The following NETO1 variants were observed in gnomAD, a reference collection of about 807,000 sequenced individuals.
NETO1 encodes neuropilin and tolloid-like protein 1.
Under a neutral mutation model 61.3 loss-of-function variants are expected in NETO1, and 26 were observed. That is an observed-to-expected ratio of 0.42 (90% CI 0.31 to 0.59). NETO1 has a LOEUF of 0.59. Among genes scored for constraint, NETO1 ranks in the 20% least tolerant of loss-of-function variants. The pLI, the probability that NETO1 is intolerant of heterozygous loss-of-function variation, is 0.12. For synonymous variants in NETO1, 225 were observed against 225.8 expected (o/e 1.00, Z 0.03); for missense variants, 531 against 662.8 (o/e 0.80, Z 2.18).
chr18:72,742,568 AAC>A (rs2070360308), downstream of NETO1: 1 of 152,210 alleles, frequency 6.6e-6, no homozygotes, highest in Admixed American at 6.5e-5. Context: ...CAGATGAGGA[AAC>A]ACAAAACTAC....
intron 4 of NETO1, among the ~76,000 whole-genome samples, chr18:72,847,835 T>C (rs948430051): frequency 2.0e-5 from 3 of 152,166 alleles, no homozygotes; most frequent in Non-Finnish European, 4.4e-5. Context: ...TTACATTCTG[T>C]ATCACTCCTC....
At position 72,750,205 on chromosome 18, in the gene NETO1, G is replaced by A. The variant is rs776718982; in HGVS notation, c.1398C>T (p.Leu466=). 2 of 1,614,116 alleles carry A rather than the reference G, an allele frequency of 1.2e-6. No homozygotes were observed. Among genetic ancestry groups the A allele is most frequent in the Admixed American group, 1.7e-5 (1 of 60,002 alleles). ...TEMPTQPGKP[L]IPPMNRRNIL... ...TATTTCTTCTGTTCATGGGTGGGAT[G>A]AGGGGTTTTCCTGGCTGTGTGGGCA... The change falls in exon 9 of 11, where the codon CTC becomes CTT. Residue 466 remains leucine, a synonymous_variant. Transcript: ENST00000327305.
chr18:72,818,147 G>T (rs553963504), intron 4 of NETO1, among the ~76,000 whole-genome samples: 24 of 152,142 alleles, frequency 1.6e-4, no homozygotes, highest in African/African-American at 5.5e-4. Context: ...CATACAATCA[G>T]TAAAAACAAA....
chr18:72,865,686 T>C, intron 1 of NETO1: 2 of 1,556,650 alleles, frequency 1.3e-6, no homozygotes, highest in Non-Finnish European at 8.7e-7. Flanking sequence ...CCTGACATAC[T>C]GCAGTGTGGC....
At chr18:72,866,288 A>T (rs2074730031) in intron 1 of NETO1, among the ~76,000 whole-genome samples, 1 of 152,208 alleles carries the variant, frequency 6.6e-6, no homozygotes, top group African/African-American at 2.4e-5. Flanking sequence ...ATACTTAAAC[A>T]TCACTCTAAG....
intron 4 of NETO1, among the ~76,000 whole-genome samples, chr18:72,832,172 T>C (rs1226484385): frequency 1.3e-5 from 2 of 152,174 alleles, no homozygotes; most frequent in African/African-American, 4.8e-5. Flanking sequence ...TTGCTAATTC[T>C]CCAATTTCCT....
At chr18:72,758,038 AATT>A (rs539441179) in intron 7 of NETO1, among the ~76,000 whole-genome samples, 101 of 140,554 alleles carry the variant, frequency 7.2e-4, no homozygotes, top group Middle Eastern at 3.5e-3. Flanking sequence ...AAATTATTAT[AATT>A]ATTAAATAGG....
rs994339223 is a variant in NETO1, at chr18:72,834,875, T to C, written c.469+23951A>G. 3.3e-6 allele frequency: 3 copies of C among 897,510 alleles called. No individual in the cohort carries two copies. The African/African-American group carries it at 5.4e-5, about 16-fold the overall frequency. 55.6% of individuals were successfully genotyped at this position (897,510 alleles called of 1,614,324 possible). A position where few individuals can be genotyped will look rare whatever the true frequency, so the allele number is the denominator to read the frequency against. ...TAATAAAAAGATTGTAATACAAGAA[T>C]AAATTATCGAAAAAGATTATATAAT... On this transcript the variant is annotated intron_variant, in intron 4 of 10. Transcript: ENST00000327305.
At chr18:72,775,206 C>T (rs1161582378) in intron 7 of NETO1, among the ~76,000 whole-genome samples, 2 of 152,106 alleles carry the variant, frequency 1.3e-5, no homozygotes, top group Admixed American at 6.6e-5. Context: ...AAATACTTAC[C>T]CTTTTCAGTG....
At chr18:72,799,769 T>A (rs747387762) in intron 4 of NETO1, among the ~76,000 whole-genome samples, 11 of 152,222 alleles carry the variant, frequency 7.2e-5, no homozygotes, top group South Asian at 2.1e-4. Context: ...GCTTTCCCAA[T>A]GTAGATCACT....
intron 4 of NETO1, among the ~76,000 whole-genome samples, chr18:72,805,780 T>A (rs961385421): frequency 6.6e-6 from 1 of 152,178 alleles, no homozygotes; most frequent in Non-Finnish European, 1.5e-5. Flanking sequence ...TTCTTCCTTC[T>A]CTCTTGATTT....
chr18:72,778,689 T>G (rs1290557535), intron 7 of NETO1, among the ~76,000 whole-genome samples: 1 of 152,184 alleles, frequency 6.6e-6, no homozygotes, highest in East Asian at 1.9e-4. Flanking sequence ...CTATTTATAT[T>G]TCTATAAGCA....
At chr18:72,773,123 C>G (rs2071431631) in intron 7 of NETO1, among the ~76,000 whole-genome samples, 1 of 151,796 alleles carries the variant, frequency 6.6e-6, no homozygotes, top group South Asian at 2.1e-4. Flanking sequence ...CAGGGATTCC[C>G]CCCTCTCCCA....
chr18:72,841,350 G>A (rs765846182), intron 4 of NETO1, among the ~76,000 whole-genome samples: 2 of 151,964 alleles, frequency 1.3e-5, no homozygotes, highest in Non-Finnish European at 2.9e-5. Flanking sequence ...GGATCCTTTC[G>A]AACAGGTTAC....
At chr18:72,807,550 G>T (rs934582797) in intron 4 of NETO1, among the ~76,000 whole-genome samples, 4 of 152,128 alleles carry the variant, frequency 2.6e-5, no homozygotes, top group Non-Finnish European at 5.9e-5. Flanking sequence ...CATTAAGTAG[G>T]CTTTTACAAT....
chr18:72,826,752 A>G (rs1402406173), intron 4 of NETO1, among the ~76,000 whole-genome samples: 1 of 152,176 alleles, frequency 6.6e-6, no homozygotes, highest in East Asian at 1.9e-4. Flanking sequence ...GCCTAGGGTG[A>G]GTGTTCCCCC....
intron 7 of NETO1, among the ~76,000 whole-genome samples, chr18:72,768,391 C>T (rs2071235368): frequency 6.6e-6 from 1 of 152,098 alleles, no homozygotes; most frequent in Non-Finnish European, 1.5e-5. Context: ...TTAAAGTCAA[C>T]TTAATAATTG....
At chr18:72,809,077 C>A (rs58474884) in intron 4 of NETO1, among the ~76,000 whole-genome samples, 2 of 152,174 alleles carry the variant, frequency 1.3e-5, no homozygotes, top group African/African-American at 2.4e-5. Context: ...GATTCTCATT[C>A]CTTTACCAAG....
intron 4 of NETO1, among the ~76,000 whole-genome samples, chr18:72,818,748 C>G (rs1210564861): frequency 6.6e-6 from 1 of 152,062 alleles, no homozygotes; most frequent in African/African-American, 2.4e-5. Flanking sequence ...CATAAAATAT[C>G]ATGCTCATTA....
Sources: gnomAD v4.1 joint callset for allele counts (sites outside exome capture counted in the v4.1 genomes callset) on GRCh38, gnomAD v4.1.1 for gene constraint, MANE v1.5 for transcripts, NCBI Gene and HGNC (gene_info 2026-07-23, HGNC 2026-07-21) for gene names.